The following AGPAT3 variants were observed in gnomAD, a reference collection of about 807,000 sequenced individuals.
The protein encoded by AGPAT3 is 1-acyl-sn-glycerol-3-phosphate acyltransferase gamma.
Under a neutral mutation model 47.3 loss-of-function variants are expected in AGPAT3, and 5 were observed. The ratio of observed to expected loss-of-function variants is 0.11; its 90% CI spans 0.06 to 0.22. The LOEUF is 0.22. Ranked by LOEUF, AGPAT3 falls within the 10% of genes least tolerant of loss-of-function variation. AGPAT3 has a pLI of 1.00. For synonymous variants in AGPAT3, 212 were observed against 208.3 expected (o/e 1.02, Z -0.15); for missense variants, 315 against 493.0 (o/e 0.64, Z 3.42).
chr21:43,869,717 G>A (rs1324391071), intron 1 of AGPAT3, among the ~76,000 whole-genome samples: 2 of 152,200 alleles, frequency 1.3e-5, no homozygotes, highest in African/African-American at 4.8e-5. Flanking sequence ...GTGGCCCTGC[G>A]TGAGTACCCG....
In AGPAT3 at chr21:43,938,830, C is replaced by T. The variant is rs942837203; in HGVS notation, c.-48-20804C>T. ...GCTTAGCGGGCGATTCTGGGTGTCA[C>T]GTGGAGTCACATGGGGTCAATGTGT... On this transcript the variant is annotated intron_variant, in intron 2 of 9. Transcript: ENST00000291572. Among the ~76,000 whole-genome samples the T allele has an allele frequency of 5.9e-5, 9 of 152,150 alleles. No homozygotes were observed. The South Asian group carries it at 8.3e-4, about 14-fold the overall frequency.
chr21:43,924,317 G>T (rs1187124007), intron 2 of AGPAT3, among the ~76,000 whole-genome samples: 3 of 151,862 alleles, frequency 2.0e-5, no homozygotes, highest in African/African-American at 7.3e-5. Flanking sequence ...GAGCCATCGC[G>T]CCGAGCCAGG....
intron 2 of AGPAT3, among the ~76,000 whole-genome samples, chr21:43,925,703 C>T (rs1289019376): frequency 6.6e-6 from 1 of 152,238 alleles, no homozygotes; most frequent in Non-Finnish European, 1.5e-5. Context: ...GGCTTGTTGC[C>T]CCTGCACCCC....
At chr21:43,885,912 A>G (rs1347768573) in intron 1 of AGPAT3, among the ~76,000 whole-genome samples, 1 of 152,196 alleles carries the variant, frequency 6.6e-6, no homozygotes, top group Non-Finnish European at 1.5e-5. Flanking sequence ...AGCACTGAGG[A>G]GCGGGCCAGT....
In AGPAT3 at chr21:43,907,094, C is replaced by T. The variant is rs116291303; in HGVS notation, c.-49+3075C>T. Among the ~76,000 whole-genome samples, 487 of 149,232 alleles carry T rather than the reference C, an allele frequency of 3.3e-3. 6 individuals are homozygous for T. The highest frequency in any genetic ancestry group is 0.01 in the African/African-American group (404 of 40,376). ...TCTCCCAGGCTGGAGCTCAATGACG[C>T]GATCTCAGGTCACTTCAGCCTTGAG... On this transcript the variant is annotated intron_variant, in intron 2 of 9. Coordinates refer to ENST00000291572, the MANE Select transcript of AGPAT3 (RefSeq NM_020132.5).
At chr21:43,887,945 G>A (rs956792869) in intron 1 of AGPAT3, among the ~76,000 whole-genome samples, 3 of 152,316 alleles carry the variant, frequency 2.0e-5, no homozygotes, top group East Asian at 3.9e-4. Flanking sequence ...GAGCCACCAC[G>A]CCCGGCCCAT....
chr21:43,914,062 C>T (rs766832149), intron 2 of AGPAT3, among the ~76,000 whole-genome samples: 2 of 152,192 alleles, frequency 1.3e-5, no homozygotes, highest in African/African-American at 4.8e-5. Context: ...TGATGTCTGA[C>T]CTCAGAGGCC....
Position 43,968,023 on chromosome 21 carries a change from G to A in AGPAT3, c.256G>A (p.Gly86Arg). The A allele has an allele frequency of 6.2e-7, 1 of 1,613,954 alleles. No homozygotes were observed. The highest frequency in any genetic ancestry group is 8.5e-7 in the Non-Finnish European group (1 of 1,179,996). Residue 86 changes from glycine (G) to arginine (R), a missense_variant, in exon 4 of 10, where the codon GGG becomes AGG. Gly to Arg is a moderately radical substitution (Grantham distance 125). Transcript: ENST00000291572. ...GGACCAGGCCACGGTAGAGCGCTTT[G>A]GGAAGGAGCACGCAGTCATCATCCT... ...FTDQATVERFGKEHAVIILNH... is the reference protein window; with the variant it reads ...FTDQATVERFRKEHAVIILNH...
chr21:43,957,567 C>T (rs1287983698), intron 2 of AGPAT3, among the ~76,000 whole-genome samples: 1 of 142,222 alleles, frequency 7.0e-6, no homozygotes, highest in African/African-American at 2.6e-5. Context: ...ACACGGGGGT[C>T]TCGGGTTTCC....
chr21:43,975,088 G>A (rs528269481), intron 7 of AGPAT3, among the ~76,000 whole-genome samples: 6 of 152,264 alleles, frequency 3.9e-5, no homozygotes, highest in Admixed American at 3.3e-4. Flanking sequence ...CATGTTGCAT[G>A]TGCTGGCATG....
chr21:43,887,516 T>C (rs536528571), intron 1 of AGPAT3, among the ~76,000 whole-genome samples: 6 of 152,354 alleles, frequency 3.9e-5, no homozygotes, highest in Non-Finnish European at 8.8e-5. Context: ...CACTGAAATA[T>C]TTGGGTATAA....
chr21:43,921,969 G>A (rs1417378642), intron 2 of AGPAT3, among the ~76,000 whole-genome samples: 4 of 152,190 alleles, frequency 2.6e-5, no homozygotes, highest in Admixed American at 6.5e-5. Flanking sequence ...CCATCAGTGT[G>A]AGTGTTGGGA....
At position 43,967,890 on chromosome 21, in the gene AGPAT3, T is replaced by G. The variant is rs142672171; in HGVS notation, c.179-56T>G. On this transcript the variant is annotated intron_variant, in intron 3 of 9. Transcript: ENST00000291572. The stretch of plus-strand genomic sequence containing the variant: ...GTAGGTGTCTCCTGTGGGCGCTCCC[T>G]GACCATCCCAGGAGGAGGGGTCCTA... 1.9e-6 allele frequency: 3 copies of G among 1,572,394 alleles called. No homozygotes were observed. The African/African-American group carries it at 4.0e-5, about 21-fold the overall frequency.
intron 7 of AGPAT3, 103 bp downstream of exon 7, chr21:43,971,593 A>G: frequency 1.9e-6 from 2 of 1,055,044 alleles, no homozygotes; most frequent in Non-Finnish European, 2.9e-6. Flanking sequence ...CACGTCCCAC[A>G]GCCCCGCAGG....
At chr21:43,940,047 G>A (rs527327205) in intron 2 of AGPAT3, among the ~76,000 whole-genome samples, 64 of 152,326 alleles carry the variant, frequency 4.2e-4, no homozygotes, top group African/African-American at 1.3e-3. Flanking sequence ...GGCCACGCAG[G>A]TGGCACCCTG....
At chr21:43,882,140 T>A (rs1350439464) in intron 1 of AGPAT3, among the ~76,000 whole-genome samples, 1 of 152,256 alleles carries the variant, frequency 6.6e-6, no homozygotes, top group Non-Finnish European at 1.5e-5. Flanking sequence ...GGGGGCCCTG[T>A]GCCCAGGGCT....
At chr21:43,889,420 T>G (rs2145918468) in intron 1 of AGPAT3, among the ~76,000 whole-genome samples, 1 of 152,340 alleles carries the variant, frequency 6.6e-6, no homozygotes, top group Non-Finnish European at 1.5e-5. Context: ...ACTTGTGGCT[T>G]TCCCCTTTTG....
chr21:43,986,988 C>G lies in AGPAT3; in HGVS notation c.*4596C>G, dbSNP rs1342994415. On this transcript the variant is annotated 3_prime_UTR_variant, in exon 10 of 10. Coordinates refer to ENST00000291572, the MANE Select transcript of AGPAT3 (RefSeq NM_020132.5). ...GTCCCAAAGGCCTGGCTGCGTTTGC[C>G]GTGCTGTGCGAGGACCTGTGTACAC... Among the ~76,000 whole-genome samples, 1 of 152,184 alleles carries G rather than the reference C, an allele frequency of 6.6e-6. No homozygotes were observed. Among genetic ancestry groups the G allele is most frequent in the South Asian group, 2.1e-4 (1 of 4,832 alleles).
At chr21:43,960,721 A>G (rs2088789703) in intron 3 of AGPAT3, 4 of 985,242 alleles carry the variant, frequency 4.1e-6, no homozygotes, top group African/African-American at 1.7e-5. Flanking sequence ...CATCATGGAG[A>G]GCCTTCATCT....
Sources: gnomAD v4.1 joint callset for allele counts (sites outside exome capture counted in the v4.1 genomes callset) on GRCh38, gnomAD v4.1.1 for gene constraint, MANE v1.5 for transcripts, NCBI Gene and HGNC (gene_info 2026-07-23, HGNC 2026-07-21) for gene names.